Variants in TJP2 observed in about 807,000 individuals in gnomAD.
TJP2 encodes the protein Friedreich ataxia region gene X104 (tight junction protein ZO-2).
TJP2 carries 91 observed loss-of-function variants against 133.1 expected under a neutral mutation model. The ratio of observed to expected loss-of-function variants is 0.68; its 90% CI spans 0.58 to 0.81. The LOEUF (loss-of-function observed/expected upper bound fraction) is 0.81. Among genes scored for constraint, TJP2 ranks in the 40% least tolerant of loss-of-function variants. TJP2 has a pLI of 0.00. For synonymous variants in TJP2, 592 were observed against 583.4 expected (o/e 1.01, Z -0.21); for missense variants, 1,541 against 1,565.6 (o/e 0.98, Z 0.26).
intron 1 of TJP2, among the ~76,000 whole-genome samples, chr9:69,192,885 C>T (rs547340170): frequency 1.3e-5 from 2 of 150,766 alleles, no homozygotes; most frequent in East Asian, 2.0e-4. Flanking sequence ...CAGGTGTGAT[C>T]AGTGCCAGGG....
chr9:69,148,718 A>G (rs750286875), intron 1 of TJP2, among the ~76,000 whole-genome samples: 7 of 152,130 alleles, frequency 4.6e-5, no homozygotes, highest in African/African-American at 9.7e-5. Context: ...TTGGGCTTCT[A>G]TTCTGCAAAC....
At chr9:69,229,551 GA>G (rs1829611205) in intron 10 of TJP2, among the ~76,000 whole-genome samples, 1 of 152,200 alleles carries the variant, frequency 6.6e-6, no homozygotes, top group Non-Finnish European at 1.5e-5. Flanking sequence ...CCAAATAGGT[GA>G]AGTATTTATT....
Position 69,254,110 on chromosome 9 carries a change from C to T in TJP2, c.3408-99C>T, listed in dbSNP as rs7019775. ...ATGTGGCTCAGAGGTAAGTGATCTGCTCGGGATACCCAGTCACTGTGCTCA... is the reference window on the plus strand; with the variant it reads ...ATGTGGCTCAGAGGTAAGTGATCTGTTCGGGATACCCAGTCACTGTGCTCA... On this transcript the variant is annotated intron_variant, in intron 22 of 22. Transcript: ENST00000377245. 6.2e-3 allele frequency: 8,525 copies of T among 1,383,898 alleles called. 254 individuals are homozygous for T. In the African/African-American group the frequency reaches 0.079, roughly 13 times the overall value. The allele number at this position is 1,383,898 out of a possible 1,614,324, so 85.7% of individuals were successfully genotyped here. A position where few individuals can be genotyped will look rare whatever the true frequency, so the allele number is the denominator to read the frequency against.
intron 11 of TJP2, among the ~76,000 whole-genome samples, chr9:69,230,752 A>G (rs1563938609): frequency 1.3e-5 from 2 of 152,190 alleles, no homozygotes; most frequent in Non-Finnish European, 2.9e-5. Flanking sequence ...CCTGCCTCGC[A>G]GGGACTGTGG....
chr9:69,159,032 C>T (rs1197652936), intron 2 of TJP2, among the ~76,000 whole-genome samples: 5 of 151,710 alleles, frequency 3.3e-5, no homozygotes, highest in African/African-American at 1.2e-4. Flanking sequence ...ATGCCGGGCA[C>T]GGTGGTTTAC....
chr9:69,138,124 G>A (rs920289841), intron 1 of TJP2, among the ~76,000 whole-genome samples: 4 of 152,150 alleles, frequency 2.6e-5, no homozygotes, highest in Admixed American at 6.5e-5. Context: ...TTCTCCAAGA[G>A]GCATTACCAG....
chr9:69,238,647 G>T lies in TJP2; in HGVS notation c.2276-63G>T. 2.4e-6 allele frequency: 3 copies of T among 1,273,750 alleles called. No homozygotes were observed. In the South Asian group the frequency reaches 3.7e-5, roughly 16 times the overall value. The allele number at this position is 1,273,750 out of a possible 1,614,324, so 78.9% of individuals were successfully genotyped here. On this transcript the variant is annotated intron_variant, in intron 15 of 22. Coordinates refer to ENST00000377245, the MANE Select transcript of TJP2 (RefSeq NM_004817.4). ...GTGCCATCATTGCTTGATGCTAGGT[G>T]GGAGTATTTGGTTGTCACTGTTTTC...
intron 1 of TJP2, among the ~76,000 whole-genome samples, chr9:69,148,010 C>T (rs1386873605): frequency 2.0e-5 from 3 of 151,702 alleles, no homozygotes; most frequent in South Asian, 2.1e-4. Flanking sequence ...CTGCAACCTC[C>T]GCCTCCCGGG....
intron 2 of TJP2, among the ~76,000 whole-genome samples, chr9:69,164,428 C>T (rs1295081327): frequency 6.6e-6 from 1 of 152,044 alleles, no homozygotes; most frequent in East Asian, 1.9e-4. Context: ...GAGAGGAGGG[C>T]CTTTTTATTT....
intron 1 of TJP2, among the ~76,000 whole-genome samples, chr9:69,131,770 G>A (rs1448524549): frequency 1.3e-5 from 2 of 152,140 alleles, no homozygotes; most frequent in Non-Finnish European, 2.9e-5. Context: ...GCTGGCCCCT[G>A]TAGGCCCTGG....
chr9:69,238,866 A>G (rs1189895219), intron 16 of TJP2, 77 bp downstream of exon 16: 12 of 1,218,532 alleles, frequency 9.8e-6, no homozygotes, highest in African/African-American at 1.5e-5. Context: ...TTAGGATAGT[A>G]TCTGTACTTT....
At chr9:69,193,947 A>T (rs1826377435) in intron 1 of TJP2, among the ~76,000 whole-genome samples, 1 of 152,156 alleles carries the variant, frequency 6.6e-6, no homozygotes, top group Admixed American at 6.6e-5. Context: ...ATGCAAGAAC[A>T]CATTCAGTTA....
chr9:69,228,066 G>A lies in TJP2; in HGVS notation c.1405G>A (p.Val469Ile), dbSNP rs1159567435. 1.2e-6 allele frequency: 2 copies of A among 1,613,804 alleles called. No homozygotes were observed. Among genetic ancestry groups the A allele is most frequent in the Admixed American group, 1.7e-5 (1 of 59,936 alleles). The change falls in exon 9 of 23, where the codon GTT becomes ATT. Residue 469 changes from valine (V) to isoleucine (I), a missense_variant. By Grantham distance (29) the Val-to-Ile change is conservative. Coordinates refer to ENST00000377245, the MANE Select transcript of TJP2 (RefSeq NM_004817.4). ...GTCCACAGGGGATATTGCAGGCACA[G>A]TTGTCCCAGAGACCAACAAGGAACC... ...FKSTGDIAGT[V>I]VPETNKEPRY...
rs2133466389 is a variant in TJP2 at position 69,248,074 on chromosome 9, C to T, written c.2730C>T (p.Asp910=). ...CCTACTTAACCGCCATGGGCGCGGACTATCTGAGTTGCGACAGCCGCCTCA... is the reference window on the plus strand; with the variant it reads ...CCTACTTAACCGCCATGGGCGCGGATTATCTGAGTTGCGACAGCCGCCTCA... ...RMSYLTAMGA[D]YLSCDSRLIS... The change falls in exon 19 of 23, where the codon GAC becomes GAT. Residue 910 remains aspartate (D), a synonymous_variant. Transcript: ENST00000377245. 2 of 1,614,166 alleles carry T rather than the reference C, an allele frequency of 1.2e-6. No individual in the cohort carries two copies. The highest frequency in any genetic ancestry group is 2.2e-5 in the East Asian group (1 of 44,866).
chr9:69,156,084 G>A (rs1823740824), intron 2 of TJP2, among the ~76,000 whole-genome samples: 1 of 152,236 alleles, frequency 6.6e-6, no homozygotes, highest in African/African-American at 2.4e-5. Flanking sequence ...AGAGAGTTTG[G>A]CCAGGCAGGG....
intron 11 of TJP2, among the ~76,000 whole-genome samples, chr9:69,231,593 AC>A (rs1829789209): frequency 6.6e-6 from 1 of 152,298 alleles, no homozygotes; most frequent in Non-Finnish European, 1.5e-5. Context: ...GCAGCAAAGT[AC>A]AAAAGCAGGT....
chr9:69,236,301 C>T (rs1353300851), intron 13 of TJP2, 63 bp downstream of exon 13: 39 of 1,537,270 alleles, frequency 2.5e-5, no homozygotes, highest in Admixed American at 1.7e-4. Flanking sequence ...AACTAGAGAC[C>T]GCCCCCCTTC....
chr9:69,173,096 A>G (rs956827117), upstream of TJP2, among the ~76,000 whole-genome samples: 1 of 152,148 alleles, frequency 6.6e-6, no homozygotes, highest in African/African-American at 2.4e-5. Flanking sequence ...CGAAACTTCT[A>G]GACTTGTTTT....
At chr9:69,246,857 G>A (rs944402790) in intron 18 of TJP2, 67 bp downstream of exon 18, 17 of 1,367,596 alleles carry the variant, frequency 1.2e-5, no homozygotes, top group Non-Finnish European at 1.6e-5. Flanking sequence ...CAAGAGGGCA[G>A]TGAATGTAGT....
Sources: gnomAD v4.1 joint callset for allele counts (sites outside exome capture counted in the v4.1 genomes callset) on GRCh38, gnomAD v4.1.1 for gene constraint, MANE v1.5 for transcripts, NCBI Gene and HGNC (gene_info 2026-07-23, HGNC 2026-07-21) for gene names.